The following ALK variants were observed in gnomAD, a reference collection of about 807,000 sequenced individuals.
The protein encoded by ALK is ALK receptor tyrosine kinase.
In ALK, 74 loss-of-function variants were observed where a neutral mutation model predicts 163.1. The observed-to-expected ratio is 0.45, with a 90% confidence interval of 0.38 to 0.55. The LOEUF (loss-of-function observed/expected upper bound fraction) is 0.55, where lower values mean the gene tolerates loss of function less well. Ranked by LOEUF, ALK falls within the 20% of genes least tolerant of loss-of-function variation. The pLI is 0.00. For synonymous variants in ALK, 960 were observed against 843.2 expected (o/e 1.14, Z -2.40); for missense variants, 2,063 against 2,105.3 (o/e 0.98, Z 0.39).
chr2:29,193,682 G>A lies in ALK; in HGVS notation c.4405C>T (p.Pro1469Ser), dbSNP rs780571098. 5 of 1,613,738 alleles carry A rather than the reference G, an allele frequency of 3.1e-6. No homozygotes were observed. The African/African-American group carries it at 5.3e-5, about 17-fold the overall frequency. ...TTCACGTGTCCCCCTTCCACGGCCG[G>A]CCCTCTAGGGACTCGAACAGAGATC... ...AEISVRVPRGPAVEGGHVNMA... is the reference protein window; with the variant it reads ...AEISVRVPRGSAVEGGHVNMA... Residue 1469 changes from proline (P) to serine (S), a missense_variant, in exon 29 of 29, where the codon CCG (proline) becomes TCG (serine). This residue lies in a region of ALK where 403 missense variants were observed against 366.2 expected (regional missense o/e 1.10). Transcript: ENST00000389048.
intron 1 of ALK, among the ~76,000 whole-genome samples, chr2:29,797,407 C>T (rs1448326005): frequency 6.6e-6 from 1 of 152,188 alleles, no homozygotes; most frequent in Non-Finnish European, 1.5e-5. Flanking sequence ...TTTGCCCCTG[C>T]ACCCCAGTTA....
chr2:29,466,772 C>A (rs928033489), intron 4 of ALK, among the ~76,000 whole-genome samples: 1 of 152,206 alleles, frequency 6.6e-6, no homozygotes, highest in African/African-American at 2.4e-5. Context: ...TTGAGGCTGA[C>A]TAAAACTAAT....
At chr2:29,666,916 C>T (rs1353406198) in intron 3 of ALK, among the ~76,000 whole-genome samples, 1 of 152,126 alleles carries the variant, frequency 6.6e-6, no homozygotes, top group South Asian at 2.1e-4. Flanking sequence ...TTTAAGCTCC[C>T]ACATAGAAAT....
intron 4 of ALK, among the ~76,000 whole-genome samples, chr2:29,452,463 C>T (rs11677261): frequency 0.076 from 11,619 of 151,918 alleles, 561 homozygotes; most frequent in Non-Finnish European, 0.11. Context: ...TTCTTTATAA[C>T]GCTTTCATTA....
At chr2:29,313,068 A>C (rs1357736422) in intron 8 of ALK, among the ~76,000 whole-genome samples, 1 of 152,206 alleles carries the variant, frequency 6.6e-6, no homozygotes, top group Non-Finnish European at 1.5e-5. Flanking sequence ...TACAAACACC[A>C]CAAAGTGTAG....
intron 4 of ALK, among the ~76,000 whole-genome samples, chr2:29,386,098 G>A (rs763942649): frequency 9.2e-5 from 14 of 152,214 alleles, no homozygotes; most frequent in Non-Finnish European, 1.2e-4. Flanking sequence ...CTCTTTCAGC[G>A]CGGTGCTCCT....
intron 4 of ALK, among the ~76,000 whole-genome samples, chr2:29,403,510 T>C (rs1669499312): frequency 6.6e-6 from 1 of 151,684 alleles, no homozygotes; most frequent in South Asian, 2.1e-4. Flanking sequence ...CCTCCAAAGG[T>C]TCCAAAATCA....
intron 12 of ALK, among the ~76,000 whole-genome samples, chr2:29,243,103 G>A (rs1234783375): frequency 6.6e-6 from 1 of 152,216 alleles, no homozygotes; most frequent in Non-Finnish European, 1.5e-5. Flanking sequence ...TGTGCCACAG[G>A]TAGAAAAGCA....
intron 3 of ALK, among the ~76,000 whole-genome samples, chr2:29,569,447 A>G (rs1425384449): frequency 6.6e-6 from 1 of 152,138 alleles, no homozygotes; most frequent in African/African-American, 2.4e-5. Flanking sequence ...TGTCTATAGA[A>G]TGGGTTGGAT....
chr2:29,695,128 T>A, intron 2 of ALK, 114 bp from the exon 3 acceptor site: 1 of 1,198,676 alleles, frequency 8.3e-7, no homozygotes, highest in Non-Finnish European at 1.2e-6. Flanking sequence ...CTTTGCCCTG[T>A]CCAAGGGAGA....
At chr2:29,850,107 G>A (rs1191383177) in intron 1 of ALK, among the ~76,000 whole-genome samples, 1 of 152,174 alleles carries the variant, frequency 6.6e-6, no homozygotes, top group African/African-American at 2.4e-5. Context: ...ACAAATCAAT[G>A]GCAGTGTATA....
chr2:29,579,291 C>G (rs1485690756), intron 3 of ALK, among the ~76,000 whole-genome samples: 14 of 152,206 alleles, frequency 9.2e-5, no homozygotes, highest in African/African-American at 3.4e-4. Context: ...GCGTTCCAGG[C>G]TCTTTCTGAT....
chr2:29,729,710 G>A (rs1018036841), intron 1 of ALK, among the ~76,000 whole-genome samples: 1 of 152,148 alleles, frequency 6.6e-6, no homozygotes, highest in South Asian at 2.1e-4. Context: ...TTTGGAGCTG[G>A]CAAGTGTGAA....
chr2:29,306,004 C>T (rs574957618), intron 8 of ALK, among the ~76,000 whole-genome samples: 42 of 152,124 alleles, frequency 2.8e-4, no homozygotes, highest in Non-Finnish European at 4.4e-4. Context: ...GGTGTAAATA[C>T]AGATGAAGTT....
intron 3 of ALK, among the ~76,000 whole-genome samples, chr2:29,658,781 A>C (rs973132106): frequency 2.0e-5 from 3 of 152,202 alleles, no homozygotes; most frequent in Middle Eastern, 3.2e-3. Context: ...CATAATATGT[A>C]ATACACATAT....
intron 1 of ALK, among the ~76,000 whole-genome samples, chr2:29,752,381 G>A (rs1254337324): frequency 9.2e-5 from 12 of 130,294 alleles, no homozygotes; most frequent in African/African-American, 1.2e-4. Context: ...ACGGAGTTTC[G>A]CTCTGTCGCC....
At chr2:29,306,369 AT>A (rs1344937494) in intron 8 of ALK, among the ~76,000 whole-genome samples, 2 of 152,158 alleles carry the variant, frequency 1.3e-5, no homozygotes, top group Non-Finnish European at 2.9e-5. Context: ...ATGGAGTGCA[AT>A]GCCCATGTAA....
chr2:29,199,054 A>G (rs1669094738), intron 26 of ALK, among the ~76,000 whole-genome samples: 1 of 151,720 alleles, frequency 6.6e-6, no homozygotes, highest in Non-Finnish European at 1.5e-5. Flanking sequence ...TCCAGGTTCA[A>G]GTGATTCGCC....
intron 1 of ALK, among the ~76,000 whole-genome samples, chr2:29,814,646 C>T (rs753630148): frequency 1.8e-4 from 27 of 149,340 alleles, no homozygotes; most frequent in Non-Finnish European, 3.1e-4. Context: ...GGCGACACAG[C>T]AAGACTCCCT....
Sources: gnomAD v4.1 joint callset for allele counts (sites outside exome capture counted in the v4.1 genomes callset) on GRCh38, gnomAD v4.1.1 for gene constraint, gnomAD v4.1.1 regional missense constraint, MANE v1.5 for transcripts, NCBI Gene and HGNC (gene_info 2026-07-23, HGNC 2026-07-21) for gene names.